The following CPNE2 variants were observed in gnomAD, a reference collection of about 807,000 sequenced individuals.
CPNE2 encodes the protein copine-2.
Under a neutral mutation model 69.7 loss-of-function variants are expected in CPNE2, and 42 were observed. That is an observed-to-expected ratio of 0.60 (90% CI 0.47 to 0.78). The LOEUF (loss-of-function observed/expected upper bound fraction) is 0.78. Among genes scored for constraint, CPNE2 ranks in the 30% least tolerant of loss-of-function variants. The pLI is 0.00. For synonymous variants in CPNE2, 294 were observed against 289.8 expected, an observed-to-expected ratio of 1.01 and a Z score of -0.15; for missense variants, 587 against 732.0, an observed-to-expected ratio of 0.80 and a Z score of 2.29.
In CPNE2 at chr16:57,123,904, C is replaced by T. The variant is rs960130054; in HGVS notation, c.927+431C>T. On this transcript the variant is annotated intron_variant, in intron 10 of 15. Coordinates refer to ENST00000290776, the MANE Select transcript of CPNE2 (RefSeq NM_152727.6). ...TAGAACTTTGCATTTGCTGTTCCTT[C>T]TGCATTTGTTGTTCCCTCTGCCTGA... is the stretch of plus-strand genomic sequence containing the variant. 3 of 204,308 alleles carry T rather than the reference C, an allele frequency of 1.5e-5. No individual in the cohort carries two copies. In the Admixed American group the frequency reaches 1.6e-4, roughly 11 times the overall value. The allele number at this position is 204,308 out of a possible 1,614,324, so 12.7% of individuals were successfully genotyped here.
chr16:57,109,715 A>T (rs1166102692), intron 1 of CPNE2, among the ~76,000 whole-genome samples: 1 of 152,088 alleles, frequency 6.6e-6, no homozygotes, highest in Non-Finnish European at 1.5e-5. Context: ...ACCAGAGGTC[A>T]CTCTCATGGC....
In CPNE2 at chr16:57,121,083, C is replaced by T. The variant is rs771504404; in HGVS notation, c.682-10C>T. The T allele has an allele frequency of 6.2e-7, 1 of 1,609,844 alleles. No homozygotes were observed. Among genetic ancestry groups the T allele is most frequent in the South Asian group, 1.1e-5 (1 of 90,620 alleles). ...ACAGCTCTGGGGTGACCGTGCTGAA[C>T]CCACCCCAGGTCATGTGCTACGACT... On this transcript the variant is annotated splice_polypyrimidine_tract_variant and intron_variant, in intron 7 of 15. Transcript: ENST00000290776.
intron 4 of CPNE2, 44 bp downstream of exon 4, chr16:57,115,594 C>A: frequency 7.2e-7 from 1 of 1,393,886 alleles, no homozygotes; most frequent in Non-Finnish European, 1.0e-6. Flanking sequence ...CCATCCCCAC[C>A]CCACACCCTC....
intron 15 of CPNE2, chr16:57,147,045 A>G (rs2069963882): frequency 6.5e-6 from 1 of 152,974 alleles, no homozygotes; most frequent in Non-Finnish European, 1.5e-5. Flanking sequence ...TCTTCCCAGC[A>G]TCCTCTGGGG....
At chr16:57,125,187 G>A (rs1485613062) in intron 10 of CPNE2, 1 of 420,052 alleles carries the variant, frequency 2.4e-6, no homozygotes, top group Non-Finnish European at 4.9e-6. Context: ...GATTCTCTGG[G>A]GCTGAGAGAG....
intron 12 of CPNE2, among the ~76,000 whole-genome samples, chr16:57,128,665 G>A (rs1457921839): frequency 2.0e-5 from 3 of 152,156 alleles, no homozygotes; most frequent in Non-Finnish European, 4.4e-5. Flanking sequence ...TTACGAGGAC[G>A]TATTGTGTGA....
At chr16:57,113,250 C>T in intron 2 of CPNE2, 38 bp from the exon 3 acceptor site, 1 of 1,601,290 alleles carries the variant, frequency 6.2e-7, no homozygotes, top group African/African-American at 1.3e-5. Flanking sequence ...GGACCAGCTG[C>T]CTTGACTCTG....
intron 1 of CPNE2, among the ~76,000 whole-genome samples, chr16:57,108,806 G>C (rs2069662874): frequency 6.6e-6 from 1 of 152,230 alleles, no homozygotes; most frequent in African/African-American, 2.4e-5. Flanking sequence ...AATTAACCTT[G>C]ACTGGAGGAA....
In CPNE2 at chr16:57,137,141, C is replaced by T. The variant is rs369591189; in HGVS notation, c.1169-8C>T. The T allele has an allele frequency of 1.3e-5, 21 of 1,613,188 alleles. No individual in the cohort carries two copies. Among genetic ancestry groups the T allele is most frequent in the African/African-American group, 8.0e-5 (6 of 74,920 alleles). On this transcript the variant is annotated splice_region_variant and splice_polypyrimidine_tract_variant and intron_variant, in intron 13 of 15. Transcript: ENST00000290776. The stretch of plus-strand genomic sequence containing the variant: ...ACCTGGCTGATCCAGACTCTTCTCC[C>T]GAGGCAGGTGTGGATGGTATTGCCC...
rs538009395 is a variant in CPNE2 at position 57,140,257 on chromosome 16, G to A, written c.1302+2975G>A. On this transcript the variant is annotated intron_variant, in intron 14 of 15. Transcript: ENST00000290776. The stretch of plus-strand genomic sequence containing the variant: ...GCAATCTTGGCTCACTGCAACCTCC[G>A]CCTCCTGGGTTCAAGCGATTCTCCT... Among the ~76,000 whole-genome samples, 11 of 151,988 alleles carry A rather than the reference G, an allele frequency of 7.2e-5. 1 individual carries two copies. In the South Asian group the frequency reaches 2.1e-3, roughly 29 times the overall value.
At chr16:57,136,010 G>A (rs2069877636) in intron 13 of CPNE2, among the ~76,000 whole-genome samples, 1 of 145,620 alleles carries the variant, frequency 6.9e-6, no homozygotes, top group South Asian at 2.3e-4. Context: ...AAGGAAAGGA[G>A]GAAGGGAGGG....
chr16:57,121,885 C>T, intron 9 of CPNE2, 125 bp downstream of exon 9: 1 of 823,324 alleles, frequency 1.2e-6, no homozygotes, highest in Non-Finnish European at 2.0e-6. Context: ...CACATCCTGG[C>T]CCTATGGCCT....
At chr16:57,145,507 G>A (rs1339107807) in intron 14 of CPNE2, 3 of 164,096 alleles carry the variant, frequency 1.8e-5, no homozygotes, top group South Asian at 1.5e-4. Context: ...TTTAGCTCCC[G>A]CAAGGTGTCT....
At chr16:57,104,728 G>A (rs1216916996) in intron 1 of CPNE2, among the ~76,000 whole-genome samples, 6 of 152,204 alleles carry the variant, frequency 3.9e-5, no homozygotes, top group Non-Finnish European at 7.3e-5. Context: ...GAAGGAAGCA[G>A]CATGGAGCGG....
rs993601062 is a variant in CPNE2, at chr16:57,127,698, G to T, written c.1062-151G>T. ...CCCAGAGGTGGGTTGGGCTCATTAG[G>T]TAGATGATCCTAACAGCTTTTTCTA... is the stretch of plus-strand genomic sequence containing the variant. On this transcript the variant is annotated intron_variant, in intron 11 of 15. Coordinates refer to ENST00000290776, the MANE Select transcript of CPNE2 (RefSeq NM_152727.6). The T allele has an allele frequency of 1.1e-5, 8 of 739,364 alleles. 1 individual carries two copies. The highest frequency in any genetic ancestry group is 1.0e-4 in the South Asian group (6 of 59,880). 45.8% of individuals were successfully genotyped at this position (739,364 alleles called of 1,614,324 possible).
chr16:57,134,046 C>T (rs372681033), intron 12 of CPNE2, among the ~76,000 whole-genome samples: 1 of 152,188 alleles, frequency 6.6e-6, no homozygotes, highest in Non-Finnish European at 1.5e-5. Context: ...CAGCCCTGAA[C>T]GGGGCCAGTT....
chr16:57,107,726 T>A (rs2069656560), intron 1 of CPNE2, among the ~76,000 whole-genome samples: 1 of 152,160 alleles, frequency 6.6e-6, no homozygotes, highest in African/African-American at 2.4e-5. Context: ...CTTCTAAGAC[T>A]TCCCATTGCT....
At chr16:57,119,810 G>A (rs913640578) in intron 7 of CPNE2, among the ~76,000 whole-genome samples, 160 bp downstream of exon 7, 3 of 152,196 alleles carry the variant, frequency 2.0e-5, no homozygotes, top group Non-Finnish European at 4.4e-5. Flanking sequence ...TCCTCATCCT[G>A]GATCTATCTG....
chr16:57,124,599 G>A, intron 10 of CPNE2: 1 of 329,194 alleles, frequency 3.0e-6, no homozygotes, highest in Non-Finnish European at 6.1e-6. Flanking sequence ...CACCTTGCCT[G>A]TGGCCTGGAG....
Sources: gnomAD v4.1 joint callset for allele counts (sites outside exome capture counted in the v4.1 genomes callset) on GRCh38, gnomAD v4.1.1 for gene constraint, MANE v1.5 for transcripts, NCBI Gene and HGNC (gene_info 2026-07-23, HGNC 2026-07-21) for gene names.